Variants in OPCML observed in about 807,000 individuals in gnomAD.
The protein encoded by OPCML is opioid binding protein/cell adhesion molecule like, also known as opioid-binding protein/cell adhesion molecule.
In OPCML, 13 loss-of-function variants were observed where a neutral mutation model predicts 37.8. That is an observed-to-expected ratio of 0.34 (90% confidence interval 0.22 to 0.55). The LOEUF (loss-of-function observed/expected upper bound fraction) is 0.55, where lower values mean the gene tolerates loss of function less well. OPCML is among the 20% of genes least tolerant of loss of function. The pLI, the probability that OPCML is intolerant of heterozygous loss-of-function variation, is 0.91. For missense variants in OPCML, 341 were observed against 435.6 expected (o/e 0.78, Z 1.93); for synonymous variants, 176 against 168.8 (o/e 1.04, Z -0.33).
chr11:132,525,037 T>C (rs758582825), intron 4 of OPCML, among the ~76,000 whole-genome samples: 1 of 152,200 alleles, frequency 6.6e-6, no homozygotes, highest in Non-Finnish European at 1.5e-5. Context: ...TTTACTCACT[T>C]ACCAGTGCAG....
intron 1 of OPCML, among the ~76,000 whole-genome samples, chr11:132,976,788 AC>A (rs1565377537): frequency 6.6e-6 from 1 of 152,168 alleles, no homozygotes. Context: ...TTATTAAATT[AC>A]CTTTTAAAAT....
intron 2 of OPCML, among the ~76,000 whole-genome samples, chr11:132,769,754 G>A (rs975026622): frequency 2.6e-5 from 4 of 152,054 alleles, no homozygotes; most frequent in Non-Finnish European, 2.9e-5. Context: ...TCGAAGCACC[G>A]GACCCCTCTT....
chr11:133,139,645 T>G lies in OPCML; in HGVS notation c.62-196635A>C, dbSNP rs531472934. ...GGCAGATTGGACTGATATTCTTTAG[T>G]GGGAGTGGCTGATGATTTAGGAGCT... On this transcript the variant is annotated intron_variant, in intron 1 of 7. Coordinates refer to ENST00000524381, the MANE Select transcript of OPCML (RefSeq NM_001012393.5). Among the ~76,000 whole-genome samples, 8 of 152,290 alleles carry G rather than the reference T, an allele frequency of 5.3e-5. No homozygotes were observed. The East Asian group carries it at 1.4e-3, about 26-fold the overall frequency.
intron 1 of OPCML, among the ~76,000 whole-genome samples, chr11:132,957,994 G>A (rs933785647): frequency 6.6e-5 from 10 of 152,116 alleles, no homozygotes; most frequent in Non-Finnish European, 1.2e-4. Flanking sequence ...CACATTCCTC[G>A]CTTCAAATAA....
intron 1 of OPCML, among the ~76,000 whole-genome samples, chr11:133,220,269 A>T (rs1939760631): frequency 6.6e-6 from 1 of 152,122 alleles, no homozygotes; most frequent in Non-Finnish European, 1.5e-5. Flanking sequence ...CTGGTCTCTG[A>T]GAGGAAGAGC....
chr11:132,511,426 A>G (rs2096268683), intron 4 of OPCML, among the ~76,000 whole-genome samples: 2 of 152,156 alleles, frequency 1.3e-5, no homozygotes, highest in African/African-American at 4.8e-5. Flanking sequence ...AACCGATTAT[A>G]AAATTATATG....
At chr11:132,675,393 AAC>A (rs1478577562) in intron 2 of OPCML, among the ~76,000 whole-genome samples, 1 of 152,052 alleles carries the variant, frequency 6.6e-6, no homozygotes, top group Non-Finnish European at 1.5e-5. Context: ...CTTATCCAGG[AAC>A]ACAAACATTT....
chr11:133,083,705 C>G (rs1410083487), intron 1 of OPCML, among the ~76,000 whole-genome samples: 2 of 152,204 alleles, frequency 1.3e-5, no homozygotes, highest in African/African-American at 4.8e-5. Context: ...GGCCTCGCCA[C>G]TGGGGAGAGA....
intron 3 of OPCML, among the ~76,000 whole-genome samples, chr11:132,613,423 CA>C (rs1292571605): frequency 2.6e-5 from 4 of 152,184 alleles, no homozygotes. Context: ...TGCATAAACT[CA>C]AAACATGCAT....
chr11:133,138,135 G>A (rs1949718753), intron 1 of OPCML, among the ~76,000 whole-genome samples: 1 of 152,156 alleles, frequency 6.6e-6, no homozygotes, highest in Non-Finnish European at 1.5e-5. Context: ...TCATGGGACT[G>A]AATTAGTTCC....
At chr11:132,687,391 T>TACATATAC in intron 2 of OPCML, among the ~76,000 whole-genome samples, 1 of 71,868 alleles carries the variant, frequency 1.4e-5, no homozygotes, top group African/African-American at 9.6e-5. Context: ...TATATATATA[T>TACATATAC]ATATATATAT....
intron 4 of OPCML, among the ~76,000 whole-genome samples, chr11:132,460,631 G>A (rs886685891): frequency 1.4e-4 from 21 of 152,292 alleles, no homozygotes; most frequent in African/African-American, 5.1e-4. Context: ...AATATAGAAA[G>A]TATTCAAAAG....
chr11:133,370,209 T>C (rs1248400269), intron 1 of OPCML, among the ~76,000 whole-genome samples: 2 of 152,150 alleles, frequency 1.3e-5, no homozygotes, highest in Non-Finnish European at 2.9e-5. Flanking sequence ...GAGAAGACCA[T>C]AGTTAAGCAC....
intron 1 of OPCML, among the ~76,000 whole-genome samples, chr11:133,034,609 T>C (rs1332698005): frequency 6.6e-6 from 1 of 152,196 alleles, no homozygotes; most frequent in Non-Finnish European, 1.5e-5. Flanking sequence ...TCAACGTTCT[T>C]CAATAAAGAA....
At chr11:133,261,559 G>A (rs773834519) in intron 1 of OPCML, among the ~76,000 whole-genome samples, 3 of 152,146 alleles carry the variant, frequency 2.0e-5, no homozygotes, top group Non-Finnish European at 2.9e-5. Context: ...GTCTGCATCC[G>A]TCTCTACCTT....
intron 1 of OPCML, among the ~76,000 whole-genome samples, chr11:132,995,938 A>G (rs1946876452): frequency 6.6e-6 from 1 of 152,162 alleles, no homozygotes; most frequent in Non-Finnish European, 1.5e-5. Flanking sequence ...CCAAAATAAG[A>G]TGAAATGTGA....
At chr11:133,235,138 T>C (rs1333603424) in intron 1 of OPCML, among the ~76,000 whole-genome samples, 1 of 152,070 alleles carries the variant, frequency 6.6e-6, no homozygotes, top group African/African-American at 2.4e-5. Context: ...TCACAGAGAA[T>C]TCCTTTCCCC....
At chr11:133,220,086 G>C (rs1939753205) in intron 1 of OPCML, among the ~76,000 whole-genome samples, 1 of 152,112 alleles carries the variant, frequency 6.6e-6, no homozygotes, top group Non-Finnish European at 1.5e-5. Flanking sequence ...CCCTAAGACT[G>C]TTGAGGAAGC....
At chr11:132,873,451 G>A (rs4937738) in intron 2 of OPCML, among the ~76,000 whole-genome samples, 20,861 of 152,092 alleles carry the variant, frequency 0.14, 1,687 homozygotes, top group Non-Finnish European at 0.18. Flanking sequence ...CCCTTTCCCT[G>A]AGAGAAGGCA....
Sources: allele counts gnomAD v4.1 joint callset (sites outside exome capture counted in the v4.1 genomes callset), GRCh38; gene constraint gnomAD v4.1.1; transcripts MANE v1.5; gene names NCBI Gene and HGNC (gene_info 2026-07-23, HGNC 2026-07-21).